The following CGREF1 variants were observed in gnomAD, a reference collection of about 807,000 sequenced individuals.
CGREF1 encodes cell growth regulator with EF hand domain protein 1.
CGREF1 carries 16 observed loss-of-function variants against 17.4 expected under a neutral mutation model. The observed-to-expected ratio is 0.92, with a 90% confidence interval of 0.62 to 1.40. CGREF1 has a LOEUF of 1.40. Among genes scored for constraint, CGREF1 ranks in the 40% most tolerant of loss-of-function variants. CGREF1 has a pLI of 0.00. For synonymous variants in CGREF1, 142 were observed against 154.6 expected (o/e 0.92, Z 0.61); for missense variants, 296 against 376.4 (o/e 0.79, Z 1.77).
rs1205492458 is a variant in CGREF1, at chr2:27,101,581, T to C, written c.650A>G (p.Asp217Gly). ...AGCTTCCCCTCTGGGCCCTGGAACA[T>C]CTCCATCAGCCTCTGCCTGGCCCCC... ...EPGGQAEADG[D>G]VPGPRGEAEG... The change falls in exon 6 of 6, where the codon GAT (aspartate) becomes GGT (glycine). Residue 217 changes from aspartate to glycine, a missense_variant. Physicochemically the swap from Asp to Gly is moderately conservative, Grantham distance 94 (BLOSUM62 -1). Coordinates refer to ENST00000402394, the MANE Select transcript of CGREF1 (RefSeq NM_006569.6). The C allele has an allele frequency of 2.5e-6, 4 of 1,613,680 alleles. No individual in the cohort carries two copies. Among genetic ancestry groups the C allele is most frequent in the Middle Eastern group, 1.6e-4 (1 of 6,084 alleles).
At chr2:27,100,588 C>G (rs888658723), downstream of CGREF1, 22 of 1,269,624 alleles carry the variant, frequency 1.7e-5, no homozygotes, top group African/African-American at 3.2e-4. Context: ...TAGAGTGAGA[C>G]AGACCTGGAT....
At chr2:27,104,970 T>C (rs1479623143) in intron 1 of CGREF1, among the ~76,000 whole-genome samples, 1 of 152,236 alleles carries the variant, frequency 6.6e-6, no homozygotes, top group African/African-American at 2.4e-5. Context: ...CCCCAGGAAT[T>C]GCTATTTGCT....
intron 1 of CGREF1, among the ~76,000 whole-genome samples, chr2:27,113,596 G>A (rs909916496): frequency 6.6e-6 from 1 of 152,110 alleles, no homozygotes; most frequent in Non-Finnish European, 1.5e-5. Flanking sequence ...GGGGGGTATG[G>A]GCCCTGACCT....
In CGREF1 at chr2:27,101,563, C is replaced by A. The variant is rs143886369; in HGVS notation, c.668G>T (p.Gly223Val). 2.3e-5 allele frequency: 37 copies of A among 1,612,898 alleles called. No individual in the cohort carries two copies. Among genetic ancestry groups the A allele is most frequent in the Non-Finnish European group, 3.1e-5 (37 of 1,179,850 alleles). ...AGCCTCTGCCTGGCCCTCAGCTTCC[C>A]CTCTGGGCCCTGGAACATCTCCATC... The part of the protein sequence containing the change: ...EADGDVPGPR[G>V]EAEGQAEAKG... Residue 223 changes from glycine (G) to valine (V), a missense_variant, in exon 6 of 6, where the codon GGG becomes GTG. Gly to Val is a moderately radical substitution (Grantham distance 109). This residue lies in a region of CGREF1 where 247 missense variants were observed against 267.2 expected (regional missense o/e 0.92). Coordinates refer to ENST00000402394, the MANE Select transcript of CGREF1 (RefSeq NM_006569.6).
chr2:27,114,097 C>T (rs1671490517), intron 1 of CGREF1, among the ~76,000 whole-genome samples: 1 of 151,150 alleles, frequency 6.6e-6, no homozygotes, highest in South Asian at 2.1e-4. Context: ...CAGGTTCAAC[C>T]AATTCTCCTG....
chr2:27,116,539 A>AG (rs1365681671), intron 1 of CGREF1, among the ~76,000 whole-genome samples: 87 of 149,226 alleles, frequency 5.8e-4, no homozygotes, highest in Admixed American at 2.3e-3. Context: ...AAAGAGAGAG[A>AG]AAAAAAAAAG....
intron 1 of CGREF1, among the ~76,000 whole-genome samples, chr2:27,115,748 C>T (rs1339322009): frequency 6.6e-6 from 1 of 152,190 alleles, no homozygotes; most frequent in African/African-American, 2.4e-5. Context: ...ACTCATCTTC[C>T]AGTGCTGTAT....
At chr2:27,116,530 AAGAG>A (rs1337136178) in intron 1 of CGREF1, among the ~76,000 whole-genome samples, 1 of 152,084 alleles carries the variant, frequency 6.6e-6, no homozygotes, top group East Asian at 1.9e-4. Context: ...GTCTCAAAAA[AAGAG>A]AGAGAAAAAA....
downstream of CGREF1, chr2:27,100,163 T>G: frequency 4.1e-6 from 2 of 485,872 alleles, no homozygotes; most frequent in Non-Finnish European, 7.5e-6. Context: ...GGACACTCGG[T>G]GCCCCACACC....
At chr2:27,116,923 C>CTCTCTCTCTCTCTCTCTCTCT (rs1259106800) in intron 1 of CGREF1, among the ~76,000 whole-genome samples, 1 of 53,016 alleles carries the variant, frequency 1.9e-5, no homozygotes, top group Non-Finnish European at 3.6e-5. Flanking sequence ...CTCTCTCTCT[C>CTCTCTCTCTCTCTCTCTCTCT]TTTTTTTGAG....
At chr2:27,117,264 C>A (rs979311041) in intron 1 of CGREF1, among the ~76,000 whole-genome samples, 4 of 152,148 alleles carry the variant, frequency 2.6e-5, no homozygotes, top group African/African-American at 9.7e-5. Flanking sequence ...TAACCCACCT[C>A]AGTGGTTTAA....
chr2:27,113,961 T>G (rs1671484546), intron 1 of CGREF1, among the ~76,000 whole-genome samples: 1 of 146,372 alleles, frequency 6.8e-6, no homozygotes, highest in South Asian at 2.2e-4. Flanking sequence ...TCATCCAGCC[T>G]TCACGTGTTC....
chr2:27,104,932 C>A (rs1408160488), intron 1 of CGREF1, among the ~76,000 whole-genome samples: 1 of 152,190 alleles, frequency 6.6e-6, no homozygotes, highest in South Asian at 2.1e-4. Flanking sequence ...ACTGCAAACA[C>A]AATAAATCAG....
At chr2:27,117,936 T>C (rs1187650664) in intron 1 of CGREF1, among the ~76,000 whole-genome samples, 5 of 152,158 alleles carry the variant, frequency 3.3e-5, no homozygotes, top group East Asian at 1.9e-4. Flanking sequence ...ACCAGGATGG[T>C]ATCGATTTCC....
At chr2:27,099,361 G>A (rs1397891612), downstream of CGREF1, 1 of 1,612,466 alleles carries the variant, frequency 6.2e-7, no homozygotes, top group Non-Finnish European at 8.5e-7. Context: ...CCTGGAGCTG[G>A]GAGGATGGCT....
intron 1 of CGREF1, among the ~76,000 whole-genome samples, chr2:27,115,951 C>T (rs1349404518): frequency 2.0e-5 from 3 of 152,234 alleles, no homozygotes; most frequent in East Asian, 1.9e-4. Flanking sequence ...CAATGGCTCA[C>T]GCCTGTAATC....
chr2:27,102,362 T>C lies in CGREF1; in HGVS notation c.215A>G (p.Gln72Arg), dbSNP rs781048358. 1.2e-6 allele frequency: 2 copies of C among 1,614,070 alleles called. No individual in the cohort carries two copies. ...EVQLEHLSRE[Q>R]VLLYLFALHD... is the part of the protein sequence containing the mutation. ...GCCCCATCAGCCCAGCCCCTCACCC[T>C]GCTCCCGGCTCAGATGCTCCAGTTG... The change falls in exon 4 of 6, where the codon CAG becomes CGG. Residue 72 changes from glutamine (Q) to arginine (R), a missense_variant and splice_region_variant. By Grantham distance (43) the Gln-to-Arg change is conservative. Coordinates refer to ENST00000402394, the MANE Select transcript of CGREF1 (RefSeq NM_006569.6).
intron 2 of CGREF1, 25 bp downstream of exon 2, chr2:27,104,262 G>A (rs1357263620): frequency 6.5e-7 from 1 of 1,527,466 alleles, no homozygotes; most frequent in African/African-American, 1.4e-5. Context: ...CCCAGCCCTT[G>A]GCCCTGCCCT....
chr2:27,099,380 G>T (rs371334415), downstream of CGREF1: 1 of 1,610,302 alleles, frequency 6.2e-7, no homozygotes, highest in South Asian at 1.1e-5. Flanking sequence ...CTGGGGGGAC[G>T]GGGTGGGCTA....
Sources: gnomAD v4.1 joint callset for allele counts (sites outside exome capture counted in the v4.1 genomes callset) on GRCh38, gnomAD v4.1.1 for gene constraint, gnomAD v4.1.1 regional missense constraint, MANE v1.5 for transcripts, NCBI Gene and HGNC (gene_info 2026-07-23, HGNC 2026-07-21) for gene names.